MAMDC2: variants seen among roughly 807,000 people sequenced by gnomAD.
MAMDC2 encodes the protein MAM domain containing 2.
MAMDC2 carries 57 observed loss-of-function variants against 89.8 expected under a neutral mutation model. The ratio of observed to expected loss-of-function variants is 0.63; its 90% CI spans 0.51 to 0.79. The LOEUF (loss-of-function observed/expected upper bound fraction) is 0.79, where lower values mean the gene tolerates loss of function less well. MAMDC2 is among the 30% of genes least tolerant of loss of function. The probability of loss-of-function intolerance (pLI) is 0.00; values close to 1 mark genes in which losing one functional copy is unlikely to be tolerated. For synonymous variants in MAMDC2, 313 were observed against 293.4 expected, an observed-to-expected ratio of 1.07 and a Z score of -0.68; for missense variants, 800 against 820.6, an observed-to-expected ratio of 0.97 and a Z score of 0.31.
chr9:70,084,846 G>A (rs1827731953), intron 2 of MAMDC2, among the ~76,000 whole-genome samples: 2 of 151,306 alleles, frequency 1.3e-5, no homozygotes, highest in Admixed American at 1.3e-4. Flanking sequence ...AACAGTACGT[G>A]GCCAGAAAGG....
chr9:70,184,219 T>TGG (rs1379020868), intron 11 of MAMDC2, among the ~76,000 whole-genome samples: 1 of 152,198 alleles, frequency 6.6e-6, no homozygotes, highest in Non-Finnish European at 1.5e-5. Flanking sequence ...CCTACTCTCT[T>TGG]CTGGCTTGTA....
chr9:70,192,876 A>G (rs1250216174), intron 11 of MAMDC2, among the ~76,000 whole-genome samples: 2 of 152,076 alleles, frequency 1.3e-5, no homozygotes, highest in African/African-American at 2.4e-5. Context: ...AAAAATGACT[A>G]ACAAGTAACA....
intron 2 of MAMDC2, chr9:70,090,615 A>T (rs1222514134): frequency 6.6e-6 from 1 of 152,146 alleles, no homozygotes; most frequent in African/African-American, 2.4e-5. Flanking sequence ...CACTGTATTT[A>T]TGATGATGGG....
At position 70,044,626 on chromosome 9, in the gene MAMDC2, G is replaced by A. The variant is rs1356421227; in HGVS notation, c.77G>A (p.Cys26Tyr). 2 of 1,551,240 alleles carry A rather than the reference G, an allele frequency of 1.3e-6. No individual in the cohort carries two copies. Among genetic ancestry groups the A allele is most frequent in the African/African-American group, 1.4e-5 (1 of 73,038 alleles). ...GCCCTCGACCTGCCCGCTGGGTCCT[G>A]TGCCTTTGAAGAGAGCACTTGCGGC... ...AGALDLPAGSCAFEESTCGFD... is the reference protein window; with the variant it reads ...AGALDLPAGSYAFEESTCGFD... The change falls in exon 2 of 14, where the codon TGT becomes TAT. Residue 26 changes from cysteine (C) to tyrosine (Y), a missense_variant. By Grantham distance (194) the Cys-to-Tyr change is radical. Coordinates refer to ENST00000377182, the MANE Select transcript of MAMDC2 (RefSeq NM_153267.5).
At chr9:70,048,841 G>C (rs1434035875) in intron 2 of MAMDC2, among the ~76,000 whole-genome samples, 1 of 152,160 alleles carries the variant, frequency 6.6e-6, no homozygotes, top group Non-Finnish European at 1.5e-5. Flanking sequence ...AAGAATCATT[G>C]AGTGGATATT....
intron 2 of MAMDC2, among the ~76,000 whole-genome samples, chr9:70,077,494 A>C (rs1827559207): frequency 6.6e-6 from 1 of 152,252 alleles, no homozygotes; most frequent in Admixed American, 6.5e-5. Flanking sequence ...ATGACTGAGA[A>C]ACAAAATGTT....
chr9:70,208,491 G>C (rs1006364569), intron 11 of MAMDC2, among the ~76,000 whole-genome samples: 4 of 152,212 alleles, frequency 2.6e-5, no homozygotes, highest in Non-Finnish European at 4.4e-5. Context: ...TTTGTATCCT[G>C]AGACTTTGCT....
At chr9:70,076,350 G>A (rs948051827) in intron 2 of MAMDC2, among the ~76,000 whole-genome samples, 2 of 151,966 alleles carry the variant, frequency 1.3e-5, no homozygotes, top group African/African-American at 4.8e-5. Flanking sequence ...GAATAGGGGT[G>A]GCAGAGGTTG....
intron 5 of MAMDC2, among the ~76,000 whole-genome samples, chr9:70,125,597 G>C (rs551156977): frequency 1.3e-5 from 2 of 152,296 alleles, no homozygotes; most frequent in African/African-American, 4.8e-5. Context: ...TGACTTGCAT[G>C]CTATTAACAA....
chr9:70,178,773 G>A (rs780242153), intron 11 of MAMDC2, among the ~76,000 whole-genome samples: 16 of 152,138 alleles, frequency 1.1e-4, no homozygotes, highest in South Asian at 2.1e-4. Flanking sequence ...AAGTAATAAG[G>A]GTTAAGTCCT....
intron 11 of MAMDC2, among the ~76,000 whole-genome samples, chr9:70,214,509 T>C (rs946024575): frequency 1.3e-5 from 2 of 152,214 alleles, no homozygotes; most frequent in Non-Finnish European, 2.9e-5. Flanking sequence ...TAAAGCCAAT[T>C]GTAAGGACTT....
intron 11 of MAMDC2, among the ~76,000 whole-genome samples, chr9:70,213,691 A>C (rs974855268): frequency 6.6e-6 from 1 of 152,142 alleles, no homozygotes; most frequent in Non-Finnish European, 1.5e-5. Flanking sequence ...AATGTGCAAA[A>C]CCCCCTGTGC....
chr9:70,140,143 A>G lies in MAMDC2; in HGVS notation c.995-2A>G. On this transcript the variant is annotated splice_acceptor_variant, in intron 7 of 13. Transcript: ENST00000377182. LOFTEE classifies it high-confidence loss of function. ...CATTAACTTTGCTTGTCCTTTGCTC[A>G]GAACTTCTGTTCAGTGCCGTGGAAG... is the stretch of plus-strand genomic sequence containing the variant. The G allele has an allele frequency of 4.5e-6, 7 of 1,563,216 alleles. No individual in the cohort carries two copies. The highest frequency in any genetic ancestry group is 6.0e-6 in the Non-Finnish European group (7 of 1,164,186).
rs528204894 is a variant in MAMDC2, at chr9:70,055,204, G to A, written c.148+10507G>A. ...CAGTGAAACTTAATGAGATAGTTAT[G>A]CAATAGCTTCCTATGCAGCCCAGGT... On this transcript the variant is annotated intron_variant, in intron 2 of 13. Coordinates refer to ENST00000377182, the MANE Select transcript of MAMDC2 (RefSeq NM_153267.5). Among the ~76,000 whole-genome samples the A allele has an allele frequency of 5.5e-5, 8 of 146,664 alleles. No individual in the cohort carries two copies. The South Asian group carries it at 1.7e-3, about 30-fold the overall frequency.
intron 5 of MAMDC2, among the ~76,000 whole-genome samples, chr9:70,116,612 C>T (rs2030006361): frequency 6.6e-6 from 1 of 151,524 alleles, no homozygotes; most frequent in Admixed American, 6.6e-5. Context: ...TTACCAAAAT[C>T]TCCAAGTTCA....
intron 2 of MAMDC2, among the ~76,000 whole-genome samples, chr9:70,069,964 A>G (rs2997675): frequency 0.86 from 131,065 of 152,236 alleles, 56,888 homozygotes; most frequent in Middle Eastern, 0.92. Context: ...CCCTGCCTGA[A>G]ACTGCTCCAA....
At chr9:70,125,676 G>C (rs943538) in intron 5 of MAMDC2, among the ~76,000 whole-genome samples, 130,523 of 152,228 alleles carry the variant, frequency 0.86, 57,305 homozygotes, top group East Asian at 1. Flanking sequence ...GTGACATCTT[G>C]CATTAATTGT....
At chr9:70,052,421 T>C (rs796637792) in intron 2 of MAMDC2, among the ~76,000 whole-genome samples, 2 of 152,358 alleles carry the variant, frequency 1.3e-5, no homozygotes, top group African/African-American at 4.8e-5. Flanking sequence ...ATAATGCTGC[T>C]TTTCTATTCT....
rs1193210448 is a variant in MAMDC2, at chr9:70,140,314, G to A, written c.1138+26G>A. On this transcript the variant is annotated intron_variant, in intron 8 of 13. Transcript: ENST00000377182. ...GTAAATCAGAGATCTGTCTATGTGG[G>A]GACATCTTGGGTAGTCGTGAGCTTT... The A allele has an allele frequency of 1.9e-6, 3 of 1,555,854 alleles. No homozygotes were observed. In the South Asian group the frequency reaches 3.8e-5, roughly 20 times the overall value.
Sources: gnomAD v4.1 joint callset for allele counts (sites outside exome capture counted in the v4.1 genomes callset) on GRCh38, gnomAD v4.1.1 for gene constraint, MANE v1.5 for transcripts, NCBI Gene and HGNC (gene_info 2026-07-23, HGNC 2026-07-21) for gene names.